Variants in ZNF280C observed in about 807,000 individuals in gnomAD.
The protein encoded by ZNF280C is zinc finger protein 280C.
A neutral mutation model predicts 53.6 loss-of-function variants in ZNF280C; 14 were observed. The observed-to-expected ratio is 0.26, with a 90% CI of 0.17 to 0.41. The LOEUF is 0.41. Among genes scored for constraint, ZNF280C ranks in the 10% least tolerant of loss-of-function variants. ZNF280C has a pLI of 1.00. For missense variants in ZNF280C, 416 were observed against 547.1 expected, an observed-to-expected ratio of 0.76 and a Z score of 2.39; for synonymous variants, 203 against 181.1, an observed-to-expected ratio of 1.12 and a Z score of -0.97.
intron 2 of ZNF280C, among the ~76,000 whole-genome samples, chrX:130,251,282 CAAAAAAAAA>C (rs61571389): frequency 5.2e-4 from 8 of 15,357 alleles, no homozygotes; most frequent in Admixed American, 4.1e-3. Context: ...GGACCTGTCT[CAAAAAAAAA>C]AAAAAAAAAA....
At chrX:130,261,744 T>G (rs757631392) in intron 1 of ZNF280C, among the ~76,000 whole-genome samples, 1 of 112,346 alleles carries the variant, frequency 8.9e-6, no homozygotes, top group East Asian at 2.8e-4. Flanking sequence ...GATCTATTGC[T>G]ACCAAGAGCA....
rs377296141 is a variant in ZNF280C, at chrX:130,268,457, G to A, written c.-17+305C>T. 5.3e-5 allele frequency among the ~76,000 whole-genome samples: 6 copies of A among 112,169 alleles called. No homozygotes were observed. In the East Asian group the frequency reaches 1.4e-3, roughly 26 times the overall value. On this transcript the variant is annotated intron_variant, in intron 1 of 18. Transcript: ENST00000370978. ...GCCCAAACCGGGTTGGAAACAGACCGACAGGACTCAGGAGGTGAGAAGGCT... is the reference window on the plus strand; with the variant it reads ...GCCCAAACCGGGTTGGAAACAGACCAACAGGACTCAGGAGGTGAGAAGGCT...
chrX:130,261,484 C>T (rs1050145954), intron 1 of ZNF280C, among the ~76,000 whole-genome samples: 4 of 112,083 alleles, frequency 3.6e-5, no homozygotes, highest in African/African-American at 1.3e-4. Flanking sequence ...ATTATTTGGA[C>T]GGAATTAGAG....
intron 2 of ZNF280C, among the ~76,000 whole-genome samples, chrX:130,253,010 G>A (rs746207307): frequency 8.9e-6 from 1 of 111,796 alleles, no homozygotes; most frequent in African/African-American, 3.3e-5. Context: ...CCAATATCTA[G>A]AAAACCCCAT....
At chrX:130,215,119 T>A in intron 15 of ZNF280C, 74 bp downstream of exon 15, 2 of 1,121,739 alleles carry the variant, frequency 1.8e-6, no homozygotes, top group South Asian at 3.9e-5. Context: ...TTGCTTTCAA[T>A]AGGATAACTC....
intron 9 of ZNF280C, among the ~76,000 whole-genome samples, chrX:130,229,767 C>A (rs367552991): frequency 6.2e-5 from 7 of 112,155 alleles, no homozygotes; most frequent in Admixed American, 3.8e-4. Context: ...TTACCTTCTG[C>A]TATTTTAGCT....
intron 2 of ZNF280C, among the ~76,000 whole-genome samples, chrX:130,254,562 G>C (rs1297049120): frequency 1.8e-5 from 2 of 112,177 alleles, no homozygotes; most frequent in Non-Finnish European, 3.8e-5. Flanking sequence ...ATACACCATG[G>C]AGAACTTTGC....
chrX:130,259,380 A>G (rs1244634774), intron 2 of ZNF280C, among the ~76,000 whole-genome samples: 6 of 112,286 alleles, frequency 5.3e-5, no homozygotes, highest in African/African-American at 1.9e-4. Flanking sequence ...TGAAAAAGTA[A>G]TTTACATTCA....
chrX:130,203,687 A>G lies in ZNF280C; in HGVS notation c.*1290T>C, dbSNP rs926408589. ...TAAAAAAAGAAAAAAAATAAAGTGA[A>G]TATCAGTATTGCTGAAAATTCCTAG... On this transcript the variant is annotated 3_prime_UTR_variant, in exon 19 of 19. Coordinates refer to ENST00000370978, the MANE Select transcript of ZNF280C (RefSeq NM_017666.5). 4 of 112,041 alleles carry G rather than the reference A, an allele frequency of 3.6e-5. No homozygotes were observed. The highest frequency in any genetic ancestry group is 6.5e-5 in the African/African-American group (2 of 30,838). The allele number at this position is 112,041 out of a possible 1,213,427, so 9.2% of individuals were successfully genotyped here.
At chrX:130,260,360 G>A in intron 2 of ZNF280C, 59 bp downstream of exon 2, 2 of 958,705 alleles carry the variant, frequency 2.1e-6, no homozygotes, top group Non-Finnish European at 2.8e-6. Flanking sequence ...CTTTTCTTTT[G>A]AAAGGTTTAC....
chrX:130,241,486 T>G (rs1365689257), intron 5 of ZNF280C, among the ~76,000 whole-genome samples: 1 of 112,530 alleles, frequency 8.9e-6, no homozygotes, highest in Non-Finnish European at 1.9e-5. Context: ...TGGGGCTGAG[T>G]GCAGTGGCTC....
At chrX:130,221,570 T>C (rs1410735870) in intron 12 of ZNF280C, among the ~76,000 whole-genome samples, 2 of 111,684 alleles carry the variant, frequency 1.8e-5, no homozygotes, top group Non-Finnish European at 1.9e-5. Flanking sequence ...TATCTCAGTA[T>C]ATGGGATCTA....
chrX:130,206,365 T>TG (rs2031974611), intron 16 of ZNF280C, among the ~76,000 whole-genome samples: 1 of 94,502 alleles, frequency 1.1e-5, no homozygotes, highest in African/African-American at 3.9e-5. Context: ...TCTTTAGTTT[T>TG]TTTTTTTTTT....
intron 8 of ZNF280C, among the ~76,000 whole-genome samples, chrX:130,232,453 G>C (rs1179198508): frequency 9.1e-6 from 1 of 109,574 alleles, no homozygotes; most frequent in African/African-American, 3.3e-5. Flanking sequence ...ATCTGAGAAA[G>C]GGTTAAAATC....
chrX:130,204,390 G>A lies in ZNF280C; in HGVS notation c.*587C>T, dbSNP rs1205921860. The A allele has an allele frequency of 8.9e-6, 1 of 112,548 alleles. No individual in the cohort carries two copies. Among genetic ancestry groups the A allele is most frequent in the Non-Finnish European group, 1.9e-5 (1 of 53,408 alleles). 9.3% of individuals were successfully genotyped at this position (112,548 alleles called of 1,213,427 possible). A position where few individuals can be genotyped will look rare whatever the true frequency, so the allele number is the denominator to read the frequency against. On this transcript the variant is annotated 3_prime_UTR_variant, in exon 19 of 19. Transcript: ENST00000370978. ...TCAGGTAGGAAGGGACTCTCCCCAA[G>A]ATCTGATTTCTGAAGGCCACAAACT...
chrX:130,254,788 C>A (rs1361835301), intron 2 of ZNF280C, among the ~76,000 whole-genome samples: 3 of 110,391 alleles, frequency 2.7e-5, no homozygotes, highest in Non-Finnish European at 5.7e-5. Flanking sequence ...GGGAGAGGAT[C>A]AGGAAAAATA....
At chrX:130,227,915 A>C in intron 10 of ZNF280C, 133 bp from the exon 11 acceptor site, 1 of 430,328 alleles carries the variant, frequency 2.3e-6, no homozygotes, top group Non-Finnish European at 4.1e-6. Context: ...ATAGCTGTTG[A>C]CTCTGTAATG....
chrX:130,236,676 AT>A, intron 6 of ZNF280C, 37 bp from the exon 7 acceptor site: 1 of 995,926 alleles, frequency 1.0e-6, no homozygotes, highest in Non-Finnish European at 1.4e-6. Flanking sequence ...ATATTTGTAA[AT>A]ATTTCAGTAT....
chrX:130,243,617 A>G lies in ZNF280C; in HGVS notation c.327T>C (p.His109=). ...SNPVAASPRF[H]LVSKSSQSSV... Reference sequence around the variant, plus strand: ...AGCTTTGTGAAGATTTAGATACAAGATGAAATCTAGGCGAGGCAGCCACTG... The same window carrying G: ...AGCTTTGTGAAGATTTAGATACAAGGTGAAATCTAGGCGAGGCAGCCACTG... The change falls in exon 5 of 19, where the codon CAT becomes CAC. Residue 109 remains histidine (H), a synonymous_variant. Transcript: ENST00000370978. 1 of 1,210,709 alleles carries G rather than the reference A, an allele frequency of 8.3e-7. No individual in the cohort carries two copies. Among genetic ancestry groups the G allele is most frequent in the Non-Finnish European group, 1.1e-6 (1 of 894,350 alleles).
Sources: allele counts gnomAD v4.1 joint callset (sites outside exome capture counted in the v4.1 genomes callset), GRCh38; gene constraint gnomAD v4.1.1; transcripts MANE v1.5; gene names NCBI Gene and HGNC (gene_info 2026-07-23, HGNC 2026-07-21).